The following CACNG3 variants were observed in gnomAD, a reference collection of about 807,000 sequenced individuals.
CACNG3 encodes voltage-dependent calcium channel gamma-3 subunit.
A neutral mutation model predicts 28.5 loss-of-function variants in CACNG3; 3 were observed. The observed-to-expected ratio is 0.11, with a 90% CI of 0.05 to 0.27. CACNG3 has a LOEUF of 0.27. CACNG3 is among the 10% of genes least tolerant of loss of function. The probability of loss-of-function intolerance (pLI) is 1.00; values close to 1 mark genes in which losing one functional copy is unlikely to be tolerated. For missense variants in CACNG3, 236 were observed against 414.4 expected (o/e 0.57, Z 3.74); for synonymous variants, 174 against 162.2 (o/e 1.07, Z -0.55).
chr16:24,308,839 C>CAAAAAAAAAAAAAAA (rs71154298), intron 1 of CACNG3, among the ~76,000 whole-genome samples: 67 of 27,268 alleles, frequency 2.5e-3, no homozygotes, highest in Non-Finnish European at 3.6e-3. Context: ...GAACCTACCT[C>CAAAAAAAAAAAAAAA]AAAAAAAAAA....
chr16:24,361,303 T>A lies in CACNG3; in HGVS notation c.437-49T>A. On this transcript the variant is annotated intron_variant, in intron 3 of 3. Transcript: ENST00000005284. The surrounding 1 kb of genome is among the most constrained non-coding windows in gnomAD (Gnocchi z 6.8). ...ATATTTTAAGATGGAAAGTGACAGTTCTCTCCGAGGTGTATAAAGGACGTG... is the reference window on the plus strand; with the variant it reads ...ATATTTTAAGATGGAAAGTGACAGTACTCTCCGAGGTGTATAAAGGACGTG... 1.5e-6 allele frequency: 2 copies of A among 1,352,548 alleles called. No homozygotes were observed. Among genetic ancestry groups the A allele is most frequent in the South Asian group, 1.4e-5 (1 of 70,616 alleles). The allele number at this position is 1,352,548 out of a possible 1,614,324, so 83.8% of individuals were successfully genotyped here.
intron 1 of CACNG3, among the ~76,000 whole-genome samples, chr16:24,326,481 T>C (rs1254884167): frequency 6.6e-6 from 1 of 152,236 alleles, no homozygotes; most frequent in Non-Finnish European, 1.5e-5. Flanking sequence ...AAAATTTTTC[T>C]TTCTCAACAT....
chr16:24,342,657 G>T (rs1477836206), intron 1 of CACNG3, among the ~76,000 whole-genome samples: 1 of 152,076 alleles, frequency 6.6e-6, no homozygotes, highest in Non-Finnish European at 1.5e-5. Context: ...TCTCAAAATG[G>T]CTTCATGAGG....
At chr16:24,343,200 AAAC>A (rs921258479) in intron 1 of CACNG3, among the ~76,000 whole-genome samples, 2 of 152,022 alleles carry the variant, frequency 1.3e-5, no homozygotes, top group African/African-American at 2.4e-5. Flanking sequence ...AAAAACAAAC[AAAC>A]AACAACAACA....
chr16:24,274,187 AAAAAAAAAAAAAAC>A (rs373812001), intron 1 of CACNG3, among the ~76,000 whole-genome samples: 1,953 of 88,572 alleles, frequency 0.022, 25 homozygotes, highest in East Asian at 0.073. Flanking sequence ...ACTCCATCTC[AAAAAAAAAAAAAAC>A]AAAAAAAAAA....
In CACNG3 at chr16:24,317,612, A is replaced by C. The variant is rs1449671560; in HGVS notation, c.212-29122A>C. Among the ~76,000 whole-genome samples, 433 of 71,164 alleles carry C rather than the reference A, an allele frequency of 6.1e-3. 14 individuals carry two copies. Among genetic ancestry groups the C allele is most frequent in the African/African-American group, 0.017 (245 of 14,830 alleles). The allele number at this position is 71,164 out of a possible 152,430, so 46.7% of individuals were successfully genotyped here. On this transcript the variant is annotated intron_variant, in intron 1 of 3. Transcript: ENST00000005284. ...AAAGAAAGAAAGAAAGAAAGAAAGA[A>C]AGAAAGAAAGAAAGACAGACAGAAA...
chr16:24,312,101 C>G lies in CACNG3; in HGVS notation c.212-34633C>G, dbSNP rs117223259. Among the ~76,000 whole-genome samples, 733 of 152,270 alleles carry G rather than the reference C, an allele frequency of 4.8e-3. 5 individuals are homozygous for G. The highest frequency in any genetic ancestry group is 0.013 in the Admixed American group (193 of 15,282). On this transcript the variant is annotated intron_variant, in intron 1 of 3. Coordinates refer to ENST00000005284, the MANE Select transcript of CACNG3 (RefSeq NM_006539.4). The stretch of plus-strand genomic sequence containing the variant: ...TGGAGCCAGACATTTGTGGCTGAGG[C>G]TGAGCAGCAATGAGCAGTGAAGAAA...
chr16:24,294,751 C>T (rs1258957266), intron 1 of CACNG3, among the ~76,000 whole-genome samples: 1 of 152,048 alleles, frequency 6.6e-6, no homozygotes, highest in Non-Finnish European at 1.5e-5. Flanking sequence ...AGTGAAGGGT[C>T]ATAAGGGAAT....
At chr16:24,302,953 C>T (rs1899134386) in intron 1 of CACNG3, among the ~76,000 whole-genome samples, 1 of 151,640 alleles carries the variant, frequency 6.6e-6, no homozygotes, top group Admixed American at 6.6e-5. Flanking sequence ...AGCCTCTGAA[C>T]CTGACCTAAT....
intron 1 of CACNG3, among the ~76,000 whole-genome samples, chr16:24,260,008 T>C (rs1039258458): frequency 7.2e-5 from 11 of 152,216 alleles, no homozygotes; most frequent in Non-Finnish European, 4.4e-5. Context: ...AAAGCCAACA[T>C]GTATTGGTAT....
chr16:24,261,734 C>A (rs969571890), intron 1 of CACNG3, among the ~76,000 whole-genome samples: 7 of 152,082 alleles, frequency 4.6e-5, no homozygotes, highest in African/African-American at 1.7e-4. Flanking sequence ...AGAAGAGGTT[C>A]AATAACTGAT....
intron 1 of CACNG3, among the ~76,000 whole-genome samples, chr16:24,274,173 C>T (rs368651297): frequency 2.6e-3 from 361 of 140,128 alleles, no homozygotes; most frequent in Admixed American, 4.3e-3. Context: ...GGCGACAGTG[C>T]GAGACTCCAT....
At chr16:24,351,685 GGAAAGAAAGAAAGA>G in intron 2 of CACNG3, among the ~76,000 whole-genome samples, 1 of 41,048 alleles carries the variant, frequency 2.4e-5, no homozygotes, top group South Asian at 8.7e-4. Context: ...AAAGAAAGAA[GGAAAGAAAGAAAGA>G]GAAAGAAAGA....
At chr16:24,312,955 G>GAAAGAAAGAAAGAAAGAGAAAGAA (rs376780380) in intron 1 of CACNG3, among the ~76,000 whole-genome samples, 3 of 110,886 alleles carry the variant, frequency 2.7e-5, no homozygotes, top group South Asian at 3.1e-4. Flanking sequence ...AAGAAAGAAA[G>GAAAGAAAGAAAGAAAGAGAAAGAA]AGAAAGAAAG....
At chr16:24,300,556 G>A (rs566657260) in intron 1 of CACNG3, among the ~76,000 whole-genome samples, 2 of 151,186 alleles carry the variant, frequency 1.3e-5, no homozygotes, top group Non-Finnish European at 2.9e-5. Flanking sequence ...ACATCCTCTG[G>A]CAGGATCACC....
intron 1 of CACNG3, among the ~76,000 whole-genome samples, chr16:24,272,258 A>C (rs1002508897): frequency 3.3e-5 from 5 of 152,166 alleles, no homozygotes; most frequent in African/African-American, 1.2e-4. Flanking sequence ...TCTCAATATA[A>C]ATGTTTAAAA....
intron 1 of CACNG3, among the ~76,000 whole-genome samples, chr16:24,288,667 C>T (rs1898926240): frequency 6.6e-6 from 1 of 152,228 alleles, no homozygotes; most frequent in East Asian, 1.9e-4. Context: ...CATGGCCACA[C>T]ATACTGTCTG....
At chr16:24,337,819 A>T (rs79630611) in intron 1 of CACNG3, among the ~76,000 whole-genome samples, 22,047 of 150,892 alleles carry the variant, frequency 0.15, 1,853 homozygotes, top group Non-Finnish European at 0.18. Flanking sequence ...TCCCTACCCT[A>T]AGAAAGAGTT....
chr16:24,299,052 T>C (rs926165417), intron 1 of CACNG3, among the ~76,000 whole-genome samples: 8 of 152,068 alleles, frequency 5.3e-5, no homozygotes, highest in African/African-American at 9.7e-5. Context: ...TACTTTTTTT[T>C]CCCCCTTTCC....
Sources: gnomAD v4.1 joint callset for allele counts (sites outside exome capture counted in the v4.1 genomes callset) on GRCh38, gnomAD v4.1.1 for gene constraint, Gnocchi (gnomAD v3.1) non-coding constraint, MANE v1.5 for transcripts, NCBI Gene and HGNC (gene_info 2026-07-23, HGNC 2026-07-21) for gene names.